Variants in RSU1 observed in about 807,000 individuals in gnomAD.
RSU1 encodes the protein rsu-1.
A neutral mutation model predicts 31.1 loss-of-function variants in RSU1; 26 were observed. The observed-to-expected ratio is 0.84, with a 90% CI of 0.61 to 1.16. The LOEUF (loss-of-function observed/expected upper bound fraction) is 1.16, where lower values mean the gene tolerates loss of function less well. RSU1 is among the 50% of genes most tolerant of loss of function. The pLI, the probability that RSU1 is intolerant of heterozygous loss-of-function variation, is 0.00. For synonymous variants in RSU1, 164 were observed against 136.3 expected, an observed-to-expected ratio of 1.20 and a Z score of -1.41; for missense variants, 320 against 339.1, an observed-to-expected ratio of 0.94 and a Z score of 0.44.
chr10:16,728,962 G>C (rs61842357), intron 7 of RSU1, among the ~76,000 whole-genome samples: 1 of 152,164 alleles, frequency 6.6e-6, no homozygotes, highest in East Asian at 1.9e-4. Flanking sequence ...TCAGACTTCC[G>C]CCCTCCAGAA....
At position 16,716,636 on chromosome 10, in the gene RSU1, G is replaced by A. The variant is rs74125843; in HGVS notation, c.599-21481C>T. On this transcript the variant is annotated intron_variant, in intron 7 of 8. Coordinates refer to ENST00000345264, the MANE Select transcript of RSU1 (RefSeq NM_012425.4). ...GCCTCTTCAGGAGGCACTGATAAGCGTATTTCAACCTTTGATCTATAACCA... is the reference window on the plus strand; with the variant it reads ...GCCTCTTCAGGAGGCACTGATAAGCATATTTCAACCTTTGATCTATAACCA... Among the ~76,000 whole-genome samples, 501 of 152,092 alleles carry A rather than the reference G, an allele frequency of 3.3e-3. 3 individuals carry two copies. The highest frequency in any genetic ancestry group is 0.011 in the African/African-American group (469 of 41,504).
chr10:16,674,732 T>C (rs1352168849), intron 8 of RSU1, among the ~76,000 whole-genome samples: 2 of 152,160 alleles, frequency 1.3e-5, no homozygotes, highest in Non-Finnish European at 2.9e-5. Context: ...AAGCCTAAGG[T>C]CATTTAGAAA....
intron 7 of RSU1, among the ~76,000 whole-genome samples, chr10:16,712,510 T>C (rs1012207899): frequency 6.6e-6 from 1 of 152,176 alleles, no homozygotes; most frequent in African/African-American, 2.4e-5. Flanking sequence ...TCTTTCTTTG[T>C]GGTTACCATG....
intron 1 of RSU1, 78 bp downstream of exon 1, chr10:16,817,237 G>T: frequency 3.2e-5 from 13 of 406,578 alleles, no homozygotes; most frequent in African/African-American, 8.3e-5. Flanking sequence ...GCGGGGAGGG[G>T]ATGGAGTGGG....
At chr10:16,642,691 T>C (rs80296510) in intron 8 of RSU1, among the ~76,000 whole-genome samples, 5 of 152,228 alleles carry the variant, frequency 3.3e-5, no homozygotes, top group Non-Finnish European at 7.3e-5. Context: ...CCTGAAATCA[T>C]ATATTATGTA....
chr10:16,677,634 T>C (rs141651923), intron 8 of RSU1, among the ~76,000 whole-genome samples: 2 of 152,160 alleles, frequency 1.3e-5, no homozygotes, highest in Non-Finnish European at 2.9e-5. Flanking sequence ...CAAAAATTTA[T>C]AGAGAATATT....
intron 2 of RSU1, among the ~76,000 whole-genome samples, chr10:16,793,133 A>G (rs988821831): frequency 1.3e-5 from 2 of 152,244 alleles, no homozygotes; most frequent in Non-Finnish European, 2.9e-5. Flanking sequence ...TTTCTTCTGA[A>G]TTTTGTTCAT....
chr10:16,705,156 T>C (rs777326045), intron 7 of RSU1, among the ~76,000 whole-genome samples: 1 of 152,190 alleles, frequency 6.6e-6, no homozygotes, highest in Non-Finnish European at 1.5e-5. Flanking sequence ...TTTCACTTCA[T>C]ATAATTTCCT....
intron 7 of RSU1, among the ~76,000 whole-genome samples, chr10:16,736,897 A>T (rs1419146700): frequency 6.6e-6 from 1 of 152,104 alleles, no homozygotes; most frequent in Non-Finnish European, 1.5e-5. Context: ...AAAATGCAAC[A>T]TCTGAAACAA....
At chr10:16,670,955 G>A (rs1013449713) in intron 8 of RSU1, among the ~76,000 whole-genome samples, 1 of 152,024 alleles carries the variant, frequency 6.6e-6, no homozygotes, top group Non-Finnish European at 1.5e-5. Flanking sequence ...TAGTAGAGAA[G>A]GGGTTTCACC....
chr10:16,675,887 G>A (rs1835220099), intron 8 of RSU1, among the ~76,000 whole-genome samples: 1 of 152,142 alleles, frequency 6.6e-6, no homozygotes, highest in Non-Finnish European at 1.5e-5. Context: ...TAGTGGATAA[G>A]AGCTCCCTGG....
chr10:16,725,327 A>T (rs1836366622), intron 7 of RSU1, among the ~76,000 whole-genome samples: 1 of 152,186 alleles, frequency 6.6e-6, no homozygotes, highest in South Asian at 2.1e-4. Context: ...TCAATGCCCA[A>T]AGACAGTATC....
At chr10:16,612,102 C>G (rs1833899916) in intron 8 of RSU1, among the ~76,000 whole-genome samples, 1 of 152,152 alleles carries the variant, frequency 6.6e-6, no homozygotes, top group Admixed American at 6.5e-5. Context: ...GCTCAATAAA[C>G]CAAGGCAATG....
At chr10:16,664,685 C>G (rs912589401) in intron 8 of RSU1, among the ~76,000 whole-genome samples, 3 of 152,176 alleles carry the variant, frequency 2.0e-5, no homozygotes, top group African/African-American at 7.2e-5. Flanking sequence ...TTATCTGAGA[C>G]TTCTTTGAAC....
At chr10:16,683,524 GTTGTTTATA>G (rs1439235352) in intron 8 of RSU1, among the ~76,000 whole-genome samples, 3 of 152,140 alleles carry the variant, frequency 2.0e-5, no homozygotes, top group African/African-American at 7.2e-5. Context: ...TTTGATTGAT[GTTGTTTATA>G]TGGAGACTGA....
chr10:16,595,417 T>C (rs1200489166), intron 8 of RSU1, among the ~76,000 whole-genome samples: 1 of 152,180 alleles, frequency 6.6e-6, no homozygotes, highest in Admixed American at 6.5e-5. Context: ...GCGGTCACTC[T>C]CACGGAGTGT....
intron 2 of RSU1, among the ~76,000 whole-genome samples, chr10:16,815,618 A>G (rs1838512417): frequency 6.6e-6 from 1 of 152,236 alleles, no homozygotes; most frequent in South Asian, 2.1e-4. Context: ...AAATGCAAGC[A>G]TGAATATTGC....
At chr10:16,622,563 A>G (rs1189195077) in intron 8 of RSU1, among the ~76,000 whole-genome samples, 3 of 152,206 alleles carry the variant, frequency 2.0e-5, no homozygotes, top group Non-Finnish European at 4.4e-5. Context: ...ACACATACAC[A>G]CAGGTGCAAC....
intron 7 of RSU1, among the ~76,000 whole-genome samples, chr10:16,706,063 T>G (rs1835894435): frequency 6.6e-6 from 1 of 152,234 alleles, no homozygotes. Context: ...GTGTGCTGCA[T>G]TCACATTTTA....
Sources: allele counts gnomAD v4.1 joint callset (sites outside exome capture counted in the v4.1 genomes callset), GRCh38; gene constraint gnomAD v4.1.1; transcripts MANE v1.5; gene names NCBI Gene and HGNC (gene_info 2026-07-23, HGNC 2026-07-21).